PCDHA6: variants seen among roughly 807,000 people sequenced by gnomAD.
PCDHA6 encodes the protein protocadherin alpha-6.
In PCDHA6, 55 loss-of-function variants were observed where a neutral mutation model predicts 60.3. The ratio of observed to expected loss-of-function variants is 0.91; its 90% CI spans 0.73 to 1.14. The LOEUF is 1.14. Among genes scored for constraint, PCDHA6 ranks in the 50% most tolerant of loss-of-function variants. The probability of loss-of-function intolerance (pLI) is 0.00; values close to 1 mark genes in which losing one functional copy is unlikely to be tolerated. For missense variants in PCDHA6, 1,327 were observed against 1,256.5 expected, an observed-to-expected ratio of 1.06 and a Z score of -0.85; for synonymous variants, 652 against 557.9, an observed-to-expected ratio of 1.17 and a Z score of -2.38.
intron 1 of PCDHA6, chr5:140,868,387 A>G: frequency 1.3e-5 from 2 of 152,312 alleles, no homozygotes; most frequent in South Asian, 4.1e-4. Context: ...AATGAGAACT[A>G]TAGAAAATAG....
rs531946864 is a variant in PCDHA6, at chr5:140,866,396, C to T, written c.2394+35911C>T. 5.3e-5 allele frequency: 8 copies of T among 152,156 alleles called. No individual in the cohort carries two copies. In the East Asian group the frequency reaches 9.6e-4, roughly 18 times the overall value. 9.4% of individuals were successfully genotyped at this position (152,156 alleles called of 1,614,324 possible). A position where few individuals can be genotyped will look rare whatever the true frequency, so the allele number is the denominator to read the frequency against. The stretch of plus-strand genomic sequence containing the variant: ...AATAACAATTTTAAAGACATAGATT[C>T]CCATGAAAATCTTCAAATGTGTGTA... On this transcript the variant is annotated intron_variant, in intron 1 of 3. Transcript: ENST00000529310.
intron 1 of PCDHA6, chr5:140,968,827 C>T (rs1398985109): frequency 1.2e-6 from 2 of 1,614,094 alleles, no homozygotes; most frequent in Non-Finnish European, 1.7e-6. Context: ...TTTCCAAAAT[C>T]CTCCCTGACA....
intron 1 of PCDHA6, chr5:140,871,073 C>A: frequency 1.2e-6 from 2 of 1,613,208 alleles, no homozygotes; most frequent in Non-Finnish European, 8.5e-7. Context: ...GGTGAGCCGG[C>A]GCTGACGGCC....
In PCDHA6 at chr5:140,863,566, A is replaced by G. The variant is rs1390955253; in HGVS notation, c.2394+33081A>G. The G allele has an allele frequency of 2.9e-5, 11 of 373,988 alleles. No individual in the cohort carries two copies. In the East Asian group the frequency reaches 4.0e-4, roughly 13 times the overall value. The allele number at this position is 373,988 out of a possible 1,614,324, so 23.2% of individuals were successfully genotyped here. A position where few individuals can be genotyped will look rare whatever the true frequency, so the allele number is the denominator to read the frequency against. On this transcript the variant is annotated intron_variant, in intron 1 of 3. Transcript: ENST00000529310. Reference sequence around the variant, plus strand: ...ACTTCAATAGGAAATTTTTGAGAATATAAGTACTGTAATCCTGGAAAGTAT... The same window carrying G: ...ACTTCAATAGGAAATTTTTGAGAATGTAAGTACTGTAATCCTGGAAAGTAT...
chr5:140,948,403 T>A (rs2153683270), intron 1 of PCDHA6, among the ~76,000 whole-genome samples: 1 of 151,756 alleles, frequency 6.6e-6, no homozygotes, highest in Non-Finnish European at 1.5e-5. Context: ...GGTTGTGTAA[T>A]ATTGGTGTTA....
intron 1 of PCDHA6, among the ~76,000 whole-genome samples, chr5:140,910,741 A>G (rs1349649150): frequency 1.3e-5 from 2 of 152,142 alleles, no homozygotes; most frequent in African/African-American, 2.4e-5. Flanking sequence ...AACCAAGCAC[A>G]TAAATTATCA....
At chr5:140,983,171 C>T (rs1371766725) in intron 3 of PCDHA6, among the ~76,000 whole-genome samples, 2 of 152,136 alleles carry the variant, frequency 1.3e-5, no homozygotes, top group Non-Finnish European at 2.9e-5. Flanking sequence ...AACATGACCG[C>T]CTCACAATTT....
chr5:140,862,896 G>A (rs782777981), intron 1 of PCDHA6: 1 of 554,390 alleles, frequency 1.8e-6, no homozygotes, highest in East Asian at 4.8e-5. Flanking sequence ...CGACAACTTT[G>A]TCTGCGCTGC....
chr5:140,873,734 C>T (rs2054463877), intron 1 of PCDHA6, among the ~76,000 whole-genome samples: 1 of 152,178 alleles, frequency 6.6e-6, no homozygotes, highest in African/African-American at 2.4e-5. Flanking sequence ...AATCTCAGCT[C>T]ACTGCAATCT....
At chr5:140,926,782 C>G in intron 1 of PCDHA6, 1 of 1,403,504 alleles carries the variant, frequency 7.1e-7, no homozygotes, top group Non-Finnish European at 9.3e-7. Context: ...GCAGTGACGG[C>G]CGGCAGGAGC....
intron 1 of PCDHA6, chr5:140,842,797 C>T (rs1554139391): frequency 1.3e-6 from 2 of 1,594,372 alleles, no homozygotes; most frequent in East Asian, 2.2e-5. Context: ...TGGTGTCCTA[C>T]TCGCTTGTGG....
intron 1 of PCDHA6, chr5:140,870,613 T>C (rs1562647895): frequency 1.2e-6 from 2 of 1,613,078 alleles, no homozygotes; most frequent in Non-Finnish European, 1.7e-6. Flanking sequence ...CCGCGCGCTG[T>C]CGAGCTACGT....
At chr5:140,855,666 A>G (rs2043560136) in intron 1 of PCDHA6, among the ~76,000 whole-genome samples, 2 of 149,632 alleles carry the variant, frequency 1.3e-5, no homozygotes, top group Admixed American at 6.7e-5. Context: ...AGAAATCACT[A>G]CTCTGAGAGT....
intron 1 of PCDHA6, among the ~76,000 whole-genome samples, chr5:140,922,458 C>A (rs782064554): frequency 6.6e-6 from 1 of 152,160 alleles, no homozygotes; most frequent in Non-Finnish European, 1.5e-5. Context: ...TATTTGTCAA[C>A]ACAAAATAGG....
chr5:140,869,654 C>G, intron 1 of PCDHA6: 2 of 1,613,446 alleles, frequency 1.2e-6, no homozygotes, highest in African/African-American at 1.3e-5. Context: ...GATTCACCAA[C>G]AAATGGTAAG....
chr5:140,972,218 C>A (rs367920234), intron 1 of PCDHA6, among the ~76,000 whole-genome samples: 129 of 152,040 alleles, frequency 8.5e-4, no homozygotes, highest in Middle Eastern at 3.4e-3. Flanking sequence ...TGGCTCACTG[C>A]AGCCTCGACC....
At chr5:140,968,044 A>C (rs959631573) in intron 1 of PCDHA6, 2 of 1,614,142 alleles carry the variant, frequency 1.2e-6, no homozygotes, top group Non-Finnish European at 1.7e-6. Context: ...TGAGCGGCCC[A>C]CTGGACCGAG....
chr5:140,829,025 C>T lies in PCDHA6; in HGVS notation c.934C>T (p.Gln312Ter). Residue 312 changes from glutamine (Q) to a stop codon, truncating the protein, a stop_gained, in exon 1 of 4, where the codon CAA (glutamine) becomes TAA (stop). Transcript: ENST00000529310. LOFTEE classifies it high-confidence loss of function. Reference sequence around the variant, plus strand: ...GATTCGGGGTAATTTGGATTTTGAACAAGAAAACTTATACAAAATCCTCAT... The same window carrying T: ...GATTCGGGGTAATTTGGATTTTGAATAAGAAAACTTATACAAAATCCTCAT... ...IVIRGNLDFE[Q>*]ENLYKILIDA... 2 of 1,613,002 alleles carry T rather than the reference C, an allele frequency of 1.2e-6. No homozygotes were observed. The highest frequency in any genetic ancestry group is 1.7e-6 in the Non-Finnish European group (2 of 1,179,064).
Position 140,843,987 on chromosome 5 carries a change from G to T in PCDHA6, c.2394+13502G>T, listed in dbSNP as rs1007978772. ...ATTTATTTTGGCCTGCCTTACAGCCGTCTTCTCTGAACAATACTCTAAGGA... is the reference window on the plus strand; with the variant it reads ...ATTTATTTTGGCCTGCCTTACAGCCTTCTTCTCTGAACAATACTCTAAGGA... On this transcript the variant is annotated intron_variant, in intron 1 of 3. Coordinates refer to ENST00000529310, the MANE Select transcript of PCDHA6 (RefSeq NM_018909.4). Among the ~76,000 whole-genome samples the T allele has an allele frequency of 1.5e-4, 23 of 149,540 alleles. 2 individuals are homozygous for T. The highest frequency in any genetic ancestry group is 5.6e-4 in the African/African-American group (23 of 40,920).
Sources: allele counts gnomAD v4.1 joint callset (sites outside exome capture counted in the v4.1 genomes callset), GRCh38; gene constraint gnomAD v4.1.1; transcripts MANE v1.5; gene names NCBI Gene and HGNC (gene_info 2026-07-23, HGNC 2026-07-21).